The following ARID3B variants were observed in gnomAD, a reference collection of about 807,000 sequenced individuals.
The protein encoded by ARID3B is AT-rich interaction domain 3B.
Under a neutral mutation model 51.9 loss-of-function variants are expected in ARID3B, and 10 were observed. That is an observed-to-expected ratio of 0.19 (90% CI 0.12 to 0.33). The LOEUF (loss-of-function observed/expected upper bound fraction) is 0.33, where lower values mean the gene tolerates loss of function less well. Among genes scored for constraint, ARID3B ranks in the 10% least tolerant of loss-of-function variants. ARID3B has a pLI of 1.00. For missense variants in ARID3B, 483 were observed against 716.3 expected (o/e 0.67, Z 3.72); for synonymous variants, 205 against 279.5 (o/e 0.73, Z 2.66).
At position 74,597,480 on chromosome 15, in the gene ARID3B, T is replaced by C; in HGVS notation, c.*1706T>C. The C allele has an allele frequency of 5.7e-6, 3 of 529,594 alleles. No homozygotes were observed. Among genetic ancestry groups the C allele is most frequent in the South Asian group, 1.6e-5 (1 of 64,250 alleles). The allele number at this position is 529,594 out of a possible 1,614,324, so 32.8% of individuals were successfully genotyped here. On this transcript the variant is annotated 3_prime_UTR_variant, in exon 9 of 9. Transcript: ENST00000346246. ...GCTCAACTGCGTCTTCTCTCAGCCC[T>C]CCACACACACTCACCCCCACTCCCA...
At chr15:74,551,393 A>G (rs2061636885) in intron 2 of ARID3B, among the ~76,000 whole-genome samples, 1 of 152,160 alleles carries the variant, frequency 6.6e-6, no homozygotes, top group Non-Finnish European at 1.5e-5. Flanking sequence ...ATATGTGTGT[A>G]TTGTTCTTTA....
chr15:74,560,782 A>G (rs976767462), intron 2 of ARID3B, among the ~76,000 whole-genome samples: 5 of 152,170 alleles, frequency 3.3e-5, no homozygotes, highest in Non-Finnish European at 7.4e-5. Flanking sequence ...ATGTGTGTGT[A>G]GTATGTGTAA....
At chr15:74,579,881 G>GCGCACA (rs1434206707) in intron 4 of ARID3B, among the ~76,000 whole-genome samples, 3 of 151,228 alleles carry the variant, frequency 2.0e-5, no homozygotes, top group Non-Finnish European at 2.9e-5. Context: ...GTGCGCGCGC[G>GCGCACA]CGCACACGCA....
At chr15:74,552,706 T>C (rs184459595) in intron 2 of ARID3B, among the ~76,000 whole-genome samples, 1 of 152,290 alleles carries the variant, frequency 6.6e-6, no homozygotes, top group Non-Finnish European at 1.5e-5. Context: ...CCTTTTTAGA[T>C]TGGCTTTCTC....
At chr15:74,576,614 T>C (rs2061738644) in intron 4 of ARID3B, among the ~76,000 whole-genome samples, 1 of 152,026 alleles carries the variant, frequency 6.6e-6, no homozygotes, top group Admixed American at 6.6e-5. Context: ...GAGGCCAACA[T>C]TGCGCCACTG....
intron 8 of ARID3B, 72 bp from the exon 9 acceptor site, chr15:74,595,539 A>G (rs1596266773): frequency 6.5e-7 from 1 of 1,538,098 alleles, no homozygotes; most frequent in Non-Finnish European, 8.8e-7. Context: ...AGCGGTGAAT[A>G]CTTACTGAAA....
Position 74,544,461 on chromosome 15 carries a change from C to G in ARID3B, c.525C>G (p.Asn175Lys), listed in dbSNP as rs1356148421. The G allele has an allele frequency of 6.2e-7, 1 of 1,613,996 alleles. No individual in the cohort carries two copies. Among genetic ancestry groups the G allele is most frequent in the Admixed American group, 1.7e-5 (1 of 60,008 alleles). Residue 175 changes from asparagine to lysine, a missense_variant, in exon 2 of 9, where the codon AAC (asparagine) becomes AAG (lysine). By Grantham distance (94) the Asn-to-Lys change is moderately conservative (BLOSUM62 0). Transcript: ENST00000346246. ...CTGTCTCCACAGCAGGACAGCCGAACTGGAATCTGGATGAGCAGCTCAAGC... is the reference window on the plus strand; with the variant it reads ...CTGTCTCCACAGCAGGACAGCCGAAGTGGAATCTGGATGAGCAGCTCAAGC... The part of the protein sequence containing the change: ...SPSVSTAGQP[N>K]WNLDEQLKQN...
At chr15:74,594,678 G>C (rs1014491803) in intron 8 of ARID3B, among the ~76,000 whole-genome samples, 2 of 152,392 alleles carry the variant, frequency 1.3e-5, no homozygotes, top group East Asian at 3.9e-4. Flanking sequence ...CCGCCCTGCA[G>C]GCCTCCTGGG....
At chr15:74,543,413 C>T (rs1320873620) in intron 1 of ARID3B, among the ~76,000 whole-genome samples, 2 of 152,178 alleles carry the variant, frequency 1.3e-5, no homozygotes, top group Non-Finnish European at 2.9e-5. Flanking sequence ...CATACTCTCT[C>T]CTTTGCAGGC....
intron 4 of ARID3B, among the ~76,000 whole-genome samples, chr15:74,582,616 G>A (rs2061765971): frequency 6.6e-6 from 1 of 152,202 alleles, no homozygotes; most frequent in African/African-American, 2.4e-5. Context: ...GCTCTCCCAT[G>A]CATTACAGCT....
At chr15:74,563,166 C>T (rs753639640) in intron 2 of ARID3B, among the ~76,000 whole-genome samples, 18 of 152,360 alleles carry the variant, frequency 1.2e-4, no homozygotes, top group South Asian at 8.3e-4. Flanking sequence ...GAGTCAATCA[C>T]TATCCCCATG....
chr15:74,568,523 T>C (rs2061707530), intron 2 of ARID3B, among the ~76,000 whole-genome samples: 1 of 152,152 alleles, frequency 6.6e-6, no homozygotes, highest in Non-Finnish European at 1.5e-5. Context: ...TTCTACATTA[T>C]AGAATTAAGT....
intron 2 of ARID3B, among the ~76,000 whole-genome samples, chr15:74,550,837 C>T (rs987667825): frequency 4.6e-5 from 7 of 152,146 alleles, no homozygotes; most frequent in Admixed American, 6.5e-5. Context: ...AATCCTCTCC[C>T]GCTATCCTCA....
Position 74,544,321 on chromosome 15 carries a change from C to G in ARID3B, c.385C>G (p.Arg129Gly). Reference protein sequence around the residue: ...SKYFHVQKVARQDPRVAPMSN... With the variant: ...SKYFHVQKVAGQDPRVAPMSN... ...ATATTTTCATGTGCAGAAAGTAGCT[C>G]GCCAAGATCCCAGAGTGGCACCCAT... The change falls in exon 2 of 9, where the codon CGC (arginine) becomes GGC (glycine). Residue 129 changes from arginine to glycine, a missense_variant. Physicochemically the swap from Arg to Gly is moderately radical, Grantham distance 125 (BLOSUM62 -2). Around this residue, in one of 3 missense-constraint regions of ARID3B, gnomAD observed 182 missense variants for 244.5 expected, o/e 0.74. Coordinates refer to ENST00000346246, the MANE Select transcript of ARID3B (RefSeq NM_006465.4). 6.2e-7 allele frequency: 1 copy of G among 1,611,820 alleles called. No individual in the cohort carries two copies. The highest frequency in any genetic ancestry group is 8.5e-7 in the Non-Finnish European group (1 of 1,178,758).
At chr15:74,550,576 G>C (rs2061632968) in intron 2 of ARID3B, among the ~76,000 whole-genome samples, 1 of 151,830 alleles carries the variant, frequency 6.6e-6, no homozygotes, top group Admixed American at 6.6e-5. Context: ...CGTGGTGGCA[G>C]GCGCCTGCGG....
At chr15:74,579,872 T>TGTGCGCGCGC (rs1488209764) in intron 4 of ARID3B, among the ~76,000 whole-genome samples, 8 of 118,934 alleles carry the variant, frequency 6.7e-5, no homozygotes, top group African/African-American at 1.7e-4. Flanking sequence ...TGTGTGTGTG[T>TGTGCGCGCGC]GCGCGCGCGC....
intron 2 of ARID3B, among the ~76,000 whole-genome samples, chr15:74,548,519 CCCT>C (rs1230855738): frequency 1.3e-5 from 2 of 152,112 alleles, no homozygotes; most frequent in Non-Finnish European, 2.9e-5. Context: ...AATGTTGGCC[CCCT>C]CCTCTACCCT....
intron 2 of ARID3B, among the ~76,000 whole-genome samples, chr15:74,551,323 G>T (rs748243532): frequency 6.6e-6 from 1 of 152,190 alleles, no homozygotes; most frequent in Non-Finnish European, 1.5e-5. Flanking sequence ...AACCTTTCAG[G>T]ATTATGTGAG....
At chr15:74,551,680 C>T (rs1273161221) in intron 2 of ARID3B, among the ~76,000 whole-genome samples, 2 of 152,182 alleles carry the variant, frequency 1.3e-5, no homozygotes, top group Non-Finnish European at 2.9e-5. Context: ...TAAATTTTAC[C>T]TGAGTCAGTT....
Sources: allele counts gnomAD v4.1 joint callset (sites outside exome capture counted in the v4.1 genomes callset), GRCh38; gene constraint gnomAD v4.1.1; regional missense constraint gnomAD v4.1.1; transcripts MANE v1.5; gene names NCBI Gene and HGNC (gene_info 2026-07-23, HGNC 2026-07-21).